ADAMTS19: variants seen among roughly 807,000 people sequenced by gnomAD.
The protein encoded by ADAMTS19 is ADAM metallopeptidase with thrombospondin type 1 motif 19, also known as A disintegrin and metalloproteinase with thrombospondin motifs 19.
In ADAMTS19, 93 loss-of-function variants were observed where a neutral mutation model predicts 153.3. The ratio of observed to expected loss-of-function variants is 0.61; its 90% confidence interval spans 0.51 to 0.72. The LOEUF (loss-of-function observed/expected upper bound fraction) is 0.72, where lower values mean the gene tolerates loss of function less well. ADAMTS19 is among the 30% of genes least tolerant of loss of function. The pLI is 0.00. For synonymous variants in ADAMTS19, 600 were observed against 556.6 expected (o/e 1.08, Z -1.10); for missense variants, 1,482 against 1,552.1 (o/e 0.95, Z 0.76).
intron 6 of ADAMTS19, among the ~76,000 whole-genome samples, chr5:129,533,242 GC>G (rs1365719416): frequency 1.3e-5 from 2 of 152,170 alleles, no homozygotes; most frequent in Non-Finnish European, 2.9e-5. Context: ...AAAACTGACT[GC>G]AAAAAGGCAG....
chr5:129,737,245 C>A lies in ADAMTS19; in HGVS notation c.*27C>A, dbSNP rs1469861317. ...CTCTAGCAGGCTGGCTGGATCACAGCTCTTGGCAATTACATTATTTATAAA... is the reference window on the plus strand; with the variant it reads ...CTCTAGCAGGCTGGCTGGATCACAGATCTTGGCAATTACATTATTTATAAA... On this transcript the variant is annotated 3_prime_UTR_variant, in exon 23 of 23. Coordinates refer to ENST00000274487, the MANE Select transcript of ADAMTS19 (RefSeq NM_133638.6). 6.4e-7 allele frequency: 1 copy of A among 1,552,200 alleles called. No individual in the cohort carries two copies. Among genetic ancestry groups the A allele is most frequent in the Non-Finnish European group, 8.8e-7 (1 of 1,139,454 alleles).
chr5:129,665,209 T>G lies in ADAMTS19; in HGVS notation c.2426-290T>G, dbSNP rs888817952. Among the ~76,000 whole-genome samples the G allele has an allele frequency of 1.2e-4, 12 of 100,502 alleles. No individual in the cohort carries two copies. In the East Asian group the frequency reaches 1.3e-3, roughly 11 times the overall value. The allele number at this position is 100,502 out of a possible 152,430, so 65.9% of individuals were successfully genotyped here. ...TTTCTAACCAGGCTGTTCCACTGGG[T>G]TTTTTTTTTTCCCTCCTCACAATTC... On this transcript the variant is annotated intron_variant, in intron 15 of 22. Coordinates refer to ENST00000274487, the MANE Select transcript of ADAMTS19 (RefSeq NM_133638.6).
At chr5:129,559,908 T>G (rs1753439110) in intron 7 of ADAMTS19, among the ~76,000 whole-genome samples, 1 of 152,180 alleles carries the variant, frequency 6.6e-6, no homozygotes, top group Admixed American at 6.5e-5. Context: ...TTTATTAGTT[T>G]TTATTAGTTC....
At chr5:129,635,677 C>A (rs934608270) in intron 10 of ADAMTS19, among the ~76,000 whole-genome samples, 1 of 152,110 alleles carries the variant, frequency 6.6e-6, no homozygotes, top group Non-Finnish European at 1.5e-5. Flanking sequence ...CACATGTTCT[C>A]ACTTATAAAT....
chr5:129,698,807 T>C (rs1299882113), intron 19 of ADAMTS19, among the ~76,000 whole-genome samples: 1 of 152,176 alleles, frequency 6.6e-6, no homozygotes, highest in Admixed American at 6.5e-5. Context: ...TGTGCAGAAA[T>C]ATGAAGCAGA....
intron 22 of ADAMTS19, among the ~76,000 whole-genome samples, chr5:129,736,513 T>G (rs1188914239): frequency 2.0e-5 from 3 of 152,094 alleles, no homozygotes; most frequent in African/African-American, 7.2e-5. Flanking sequence ...CTTCAACTAT[T>G]GCTGTAAATC....
chr5:129,494,656 T>C (rs1750868649), intron 2 of ADAMTS19, among the ~76,000 whole-genome samples: 1 of 152,178 alleles, frequency 6.6e-6, no homozygotes. Context: ...AAGTTTAACA[T>C]GTTCTTAACT....
At chr5:129,688,717 C>G (rs983885457) in intron 18 of ADAMTS19, among the ~76,000 whole-genome samples, 1 of 152,114 alleles carries the variant, frequency 6.6e-6, no homozygotes, top group Non-Finnish European at 1.5e-5. Context: ...TCTTTTGAGT[C>G]TAATGATAAT....
intron 6 of ADAMTS19, among the ~76,000 whole-genome samples, chr5:129,536,113 G>T (rs1302079784): frequency 2.6e-5 from 4 of 152,086 alleles, no homozygotes; most frequent in Admixed American, 2.0e-4. Flanking sequence ...ACTACCATTG[G>T]AATGAACAGG....
chr5:129,570,433 A>G (rs1753856149), intron 7 of ADAMTS19, among the ~76,000 whole-genome samples: 1 of 151,890 alleles, frequency 6.6e-6, no homozygotes, highest in Non-Finnish European at 1.5e-5. Context: ...TTTTTATTTT[A>G]AAATCACCCA....
At chr5:129,617,119 C>T (rs947571832) in intron 8 of ADAMTS19, among the ~76,000 whole-genome samples, 27 of 151,992 alleles carry the variant, frequency 1.8e-4, no homozygotes, top group Non-Finnish European at 3.7e-4. Context: ...TTAAGGAACA[C>T]AATTAATTGT....
At chr5:129,533,578 T>C (rs1041094885) in intron 6 of ADAMTS19, among the ~76,000 whole-genome samples, 1 of 152,194 alleles carries the variant, frequency 6.6e-6, no homozygotes, top group Non-Finnish European at 1.5e-5. Context: ...AAGGATTTTT[T>C]TGAGTCTCTA....
intron 3 of ADAMTS19, among the ~76,000 whole-genome samples, chr5:129,512,631 T>G (rs1302450400): frequency 1.3e-5 from 2 of 152,068 alleles, no homozygotes; most frequent in African/African-American, 2.4e-5. Flanking sequence ...GTAGCCTATT[T>G]AAGTGAAAAT....
chr5:129,563,721 C>T (rs1384576612), intron 7 of ADAMTS19, among the ~76,000 whole-genome samples: 1 of 152,068 alleles, frequency 6.6e-6, no homozygotes, highest in African/African-American at 2.4e-5. Flanking sequence ...TAATGCACTG[C>T]TCAGTGATTA....
chr5:129,528,637 G>T lies in ADAMTS19; in HGVS notation c.1288G>T (p.Glu430Ter). 2 of 1,602,172 alleles carry T rather than the reference G, an allele frequency of 1.2e-6. No individual in the cohort carries two copies. The highest frequency in any genetic ancestry group is 1.7e-6 in the Non-Finnish European group (2 of 1,175,332). ...TTTAGAGATGTCAACAAACTGGGGG[G>T]AAGACATGACTTCAGTGGATGCAGC... ...IHLEMSTNWG[E>*]DMTSVDAAIL... The change falls in exon 6 of 23, where the codon GAA becomes TAA. Residue 430 changes from glutamate to a stop codon, truncating the protein, a stop_gained. Coordinates refer to ENST00000274487, the MANE Select transcript of ADAMTS19 (RefSeq NM_133638.6). LOFTEE classifies it high-confidence loss of function.
intron 14 of ADAMTS19, among the ~76,000 whole-genome samples, chr5:129,658,414 A>C (rs1458047096): frequency 6.6e-6 from 1 of 152,004 alleles, no homozygotes; most frequent in Non-Finnish European, 1.5e-5. Flanking sequence ...TCTCATCACT[A>C]TCTTGGTAAT....
rs1753694697 is a variant in ADAMTS19 at position 129,658,637 on chromosome 5, A to C, written c.2325A>C (p.Leu775Phe). Residue 775 changes from leucine (L) to phenylalanine (F), a missense_variant, in exon 15 of 23, where the codon TTA becomes TTC. Coordinates refer to ENST00000274487, the MANE Select transcript of ADAMTS19 (RefSeq NM_133638.6). ...TACAGAAAGTTGGCTGTGATGGTTT[A>C]TTAGGGTCTCTTGCAAGAGAAGATC... ...GRCQKVGCDG[L>F]LGSLAREDHC... 1 of 1,612,972 alleles carries C rather than the reference A, an allele frequency of 6.2e-7. No homozygotes were observed. Among genetic ancestry groups the C allele is most frequent in the Non-Finnish European group, 8.5e-7 (1 of 1,179,574 alleles).
chr5:129,703,995 C>G (rs1181771969), intron 20 of ADAMTS19, among the ~76,000 whole-genome samples: 1 of 152,102 alleles, frequency 6.6e-6, no homozygotes, highest in African/African-American at 2.4e-5. Flanking sequence ...TTATATTACT[C>G]TCTGTAATAA....
At position 129,665,594 on chromosome 5, in the gene ADAMTS19, A is replaced by T. The variant is rs367743597; in HGVS notation, c.2506+15A>T. The T allele has an allele frequency of 1.8e-5, 29 of 1,591,232 alleles. No individual in the cohort carries two copies. The African/African-American group carries it at 3.2e-4, about 18-fold the overall frequency. On this transcript the variant is annotated intron_variant, in intron 16 of 22. Coordinates refer to ENST00000274487, the MANE Select transcript of ADAMTS19 (RefSeq NM_133638.6). Reference sequence around the variant, plus strand: ...TAGCTATTTAGGTAACCTGTGTTACAGACACAGAGAAGATCCAAGTACGAG... The same window carrying T: ...TAGCTATTTAGGTAACCTGTGTTACTGACACAGAGAAGATCCAAGTACGAG...
Sources: gnomAD v4.1 joint callset for allele counts (sites outside exome capture counted in the v4.1 genomes callset) on GRCh38, gnomAD v4.1.1 for gene constraint, MANE v1.5 for transcripts, NCBI Gene and HGNC (gene_info 2026-07-23, HGNC 2026-07-21) for gene names.